The following RNF216 variants were observed in gnomAD, a reference collection of about 807,000 sequenced individuals.
The protein encoded by RNF216 is ring finger protein 216.
RNF216 carries 72 observed loss-of-function variants against 110.8 expected under a neutral mutation model. The ratio of observed to expected loss-of-function variants is 0.65; its 90% confidence interval spans 0.54 to 0.79. The LOEUF (loss-of-function observed/expected upper bound fraction) is 0.79. Ranked by LOEUF, RNF216 falls within the 30% of genes least tolerant of loss-of-function variation. The pLI is 0.00. For missense variants in RNF216, 1,342 were observed against 1,141.2 expected, an observed-to-expected ratio of 1.18 and a Z score of -2.54; for synonymous variants, 495 against 407.5, an observed-to-expected ratio of 1.21 and a Z score of -2.59.
At chr7:5,674,910 T>C (rs1382509706) in intron 13 of RNF216, among the ~76,000 whole-genome samples, 1 of 151,596 alleles carries the variant, frequency 6.6e-6, no homozygotes, top group Non-Finnish European at 1.5e-5. Flanking sequence ...GGCAAGAGAA[T>C]TGCTTGAACC....
At chr7:5,741,841 T>C (rs1584551979) in intron 3 of RNF216, 26 bp from the exon 4 acceptor site, 1 of 1,564,452 alleles carries the variant, frequency 6.4e-7, no homozygotes. Flanking sequence ...ATTTTAATAA[T>C]TCAATTTCTT....
At position 5,623,037 on chromosome 7, in the gene RNF216, G is replaced by A; in HGVS notation, c.2595C>T (p.Pro865=). 1 of 1,614,078 alleles carries A rather than the reference G, an allele frequency of 6.2e-7. No individual in the cohort carries two copies. Among genetic ancestry groups the A allele is most frequent in the Non-Finnish European group, 8.5e-7 (1 of 1,179,970 alleles). Residue 865 remains proline, a synonymous_variant, in exon 17 of 17, where the codon CCC becomes CCT. Transcript: ENST00000389902. The part of the protein sequence containing the change: ...PPYAFAHPPF[P]LPPVRPVFNN... ...TGAACACAGGCCGCACGGGAGGCAG[G>A]GGGAAGGGTGGGTGCGCGAAGGCAT...
At chr7:5,692,385 G>A (rs1436720248) in intron 13 of RNF216, among the ~76,000 whole-genome samples, 1 of 152,180 alleles carries the variant, frequency 6.6e-6, no homozygotes, top group East Asian at 1.9e-4. Context: ...TAGCAACGCC[G>A]GGTGAATCAG....
chr7:5,780,607 A>C (rs955617857), intron 1 of RNF216, among the ~76,000 whole-genome samples: 9 of 152,142 alleles, frequency 5.9e-5, no homozygotes, highest in African/African-American at 1.9e-4. Flanking sequence ...TGTGAGGCTG[A>C]GGCAGGAAAA....
intron 3 of RNF216, among the ~76,000 whole-genome samples, chr7:5,749,292 A>T (rs2128661262): frequency 6.6e-6 from 1 of 152,052 alleles, no homozygotes; most frequent in South Asian, 2.1e-4. Context: ...CTGGAATTAC[A>T]GGCACGTGCC....
chr7:5,770,024 C>CA (rs1163710982), intron 1 of RNF216, among the ~76,000 whole-genome samples: 2,519 of 24,122 alleles, frequency 0.1, 690 homozygotes, highest in African/African-American at 0.18. Context: ...AGACCCATCT[C>CA]AAAAAAAAAA....
intron 2 of RNF216, among the ~76,000 whole-genome samples, chr7:5,759,883 G>A (rs901461653): frequency 2.0e-5 from 3 of 151,802 alleles, no homozygotes; most frequent in South Asian, 2.1e-4. Flanking sequence ...CACCCGCCTC[G>A]GTCTCCCAAA....
chr7:5,720,989 A>G lies in RNF216; in HGVS notation c.1644+44T>C, dbSNP rs1479550728. 11 of 1,602,832 alleles carry G rather than the reference A, an allele frequency of 6.9e-6. No homozygotes were observed. In the South Asian group the frequency reaches 7.7e-5, roughly 11 times the overall value. On this transcript the variant is annotated intron_variant, in intron 9 of 16. Coordinates refer to ENST00000389902, the MANE Select transcript of RNF216 (RefSeq NM_207111.4). ...ACTAACTAAACCCTAAGAGCAAACC[A>G]GAATCCCAGAAACACACCCCAAGAC...
At chr7:5,733,844 G>A (rs895456374) in intron 5 of RNF216, among the ~76,000 whole-genome samples, 8 of 152,074 alleles carry the variant, frequency 5.3e-5, no homozygotes, top group African/African-American at 1.9e-4. Flanking sequence ...CAGTATTGTC[G>A]AAGAGTTGTT....
At chr7:5,639,282 G>A (rs1244233404) in intron 15 of RNF216, among the ~76,000 whole-genome samples, 1 of 152,132 alleles carries the variant, frequency 6.6e-6, no homozygotes, top group Non-Finnish European at 1.5e-5. Flanking sequence ...GTGATCCTTG[G>A]CTATGATCTA....
At chr7:5,671,133 C>T (rs1347633769) in intron 13 of RNF216, among the ~76,000 whole-genome samples, 2 of 152,232 alleles carry the variant, frequency 1.3e-5, no homozygotes, top group Non-Finnish European at 2.9e-5. Context: ...ATGCCTTTTG[C>T]CAGGCTCCCT....
At chr7:5,746,706 C>T (rs915560824) in intron 3 of RNF216, among the ~76,000 whole-genome samples, 1 of 152,164 alleles carries the variant, frequency 6.6e-6, no homozygotes, top group South Asian at 2.1e-4. Flanking sequence ...GAGTACTCTG[C>T]CTTCTGGTAG....
At chr7:5,776,922 G>A in intron 1 of RNF216, among the ~76,000 whole-genome samples, 2 of 141,496 alleles carry the variant, frequency 1.4e-5, no homozygotes. Flanking sequence ...AAAAAAGAGA[G>A]AGAGAAAAAG....
chr7:5,680,190 T>C lies in RNF216; in HGVS notation c.2062-27680A>G, dbSNP rs1220218242. The stretch of plus-strand genomic sequence containing the variant: ...CAGAGCTCGCCCTGGAAACACACGC[T>C]CCCCTCTACTTTAACACTCTGTGTC... On this transcript the variant is annotated intron_variant, in intron 13 of 16. Transcript: ENST00000389902. This position sits in a 1 kb window ranked among gnomAD's most constrained non-coding sequence, Gnocchi z 4.3. Among the ~76,000 whole-genome samples the C allele has an allele frequency of 2.0e-5, 3 of 152,022 alleles. No individual in the cohort carries two copies. Among genetic ancestry groups the C allele is most frequent in the Admixed American group, 6.6e-5 (1 of 15,256 alleles).
At chr7:5,690,766 C>G (rs1252377484) in intron 13 of RNF216, among the ~76,000 whole-genome samples, 1 of 152,070 alleles carries the variant, frequency 6.6e-6, no homozygotes, top group Non-Finnish European at 1.5e-5. Flanking sequence ...GCAATACAGC[C>G]CACACTAGAG....
At chr7:5,699,998 C>G (rs576398409) in intron 13 of RNF216, among the ~76,000 whole-genome samples, 37 of 152,364 alleles carry the variant, frequency 2.4e-4, no homozygotes, top group African/African-American at 7.9e-4. Flanking sequence ...TTCCACCCAA[C>G]AGCAGCTTCA....
chr7:5,745,079 G>A (rs1794963404), intron 3 of RNF216, among the ~76,000 whole-genome samples: 1 of 151,802 alleles, frequency 6.6e-6, no homozygotes, highest in Non-Finnish European at 1.5e-5. Flanking sequence ...ACAAACCTAC[G>A]GGCCAATCTC....
chr7:5,748,850 T>C (rs1454163749), intron 3 of RNF216, among the ~76,000 whole-genome samples: 3 of 152,200 alleles, frequency 2.0e-5, no homozygotes, highest in South Asian at 2.1e-4. Context: ...CTAACCACCA[T>C]GTTGTTCAAG....
chr7:5,758,782 G>A (rs1267884417), intron 2 of RNF216, among the ~76,000 whole-genome samples: 1 of 152,170 alleles, frequency 6.6e-6, no homozygotes, highest in African/African-American at 2.4e-5. Flanking sequence ...CAGGCTCATA[G>A]GTGGAAGGGA....
Sources: gnomAD v4.1 joint callset for allele counts (sites outside exome capture counted in the v4.1 genomes callset) on GRCh38, gnomAD v4.1.1 for gene constraint, Gnocchi (gnomAD v3.1) non-coding constraint, MANE v1.5 for transcripts, NCBI Gene and HGNC (gene_info 2026-07-23, HGNC 2026-07-21) for gene names.